TUSC3: variants seen among roughly 807,000 people sequenced by gnomAD.
TUSC3 encodes dolichyl-diphosphooligosaccharide--protein glycosyltransferase subunit TUSC3.
TUSC3 carries 45 observed loss-of-function variants against 44.8 expected under a neutral mutation model. That is an observed-to-expected ratio of 1.00 (90% CI 0.79 to 1.29). TUSC3 has a LOEUF of 1.29. Ranked by LOEUF, TUSC3 falls within the 50% of genes most tolerant of loss-of-function variation. The probability of loss-of-function intolerance (pLI) is 0.00; values close to 1 mark genes in which losing one functional copy is unlikely to be tolerated. For missense variants in TUSC3, 519 were observed against 437.9 expected, an observed-to-expected ratio of 1.19 and a Z score of -1.65; for synonymous variants, 212 against 152.9, an observed-to-expected ratio of 1.39 and a Z score of -2.85.
At chr8:15,833,425 A>G in the TUSC3 span, among the ~76,000 whole-genome samples, 17 of 152,196 alleles carry the variant, frequency 1.1e-4, no homozygotes, top group Admixed American at 2.0e-4. Flanking sequence ...TTATTCCAGC[A>G]CTATTCACAT....
chr8:15,743,451 C>A (rs914139748), intron 7 of TUSC3, 87 bp from the exon 8 acceptor site: 2 of 1,328,294 alleles, frequency 1.5e-6, no homozygotes, highest in Non-Finnish European at 2.2e-6. Context: ...TGTAGTTTAA[C>A]CATTCTGGAA....
chr8:15,844,119 C>G, the TUSC3 span, among the ~76,000 whole-genome samples: 1 of 151,978 alleles, frequency 6.6e-6, no homozygotes, highest in African/African-American at 2.4e-5. Flanking sequence ...TTTTTGTTTT[C>G]TGGTGTAGCA....
At chr8:15,489,818 A>G (rs1800781108) in intron 2 of TUSC3, among the ~76,000 whole-genome samples, 1 of 152,158 alleles carries the variant, frequency 6.6e-6, no homozygotes, top group African/African-American at 2.4e-5. Flanking sequence ...TTACTTTGGA[A>G]TCCCCTTGGC....
chr8:15,540,950 A>G (rs565679869), intron 1 of TUSC3, among the ~76,000 whole-genome samples: 3 of 152,262 alleles, frequency 2.0e-5, no homozygotes, highest in South Asian at 4.1e-4. Context: ...TTATTTTCTT[A>G]CTCTGCTCCC....
intron 2 of TUSC3, among the ~76,000 whole-genome samples, chr8:15,488,922 G>A (rs765747433): frequency 2.0e-5 from 3 of 152,098 alleles, no homozygotes; most frequent in African/African-American, 7.2e-5. Context: ...CTGTCAAATG[G>A]GAATATGAAT....
intron 8 of TUSC3, among the ~76,000 whole-genome samples, chr8:15,747,493 G>T (rs1305275056): frequency 1.3e-5 from 2 of 151,410 alleles, no homozygotes; most frequent in Non-Finnish European, 3.0e-5. Context: ...ACTTTAATTG[G>T]CTCAGATTAA....
intron 6 of TUSC3, among the ~76,000 whole-genome samples, chr8:15,679,067 A>G (rs1476622466): frequency 6.6e-6 from 1 of 152,208 alleles, no homozygotes; most frequent in Non-Finnish European, 1.5e-5. Flanking sequence ...CAGTGAACAT[A>G]CAAGTACATG....
chr8:15,753,009 C>A (rs1168863666), intron 9 of TUSC3, among the ~76,000 whole-genome samples: 1 of 151,974 alleles, frequency 6.6e-6, no homozygotes, highest in Non-Finnish European at 1.5e-5. Flanking sequence ...AACTAAGGGA[C>A]ACTGACAAAA....
intron 1 of TUSC3, among the ~76,000 whole-genome samples, chr8:15,458,955 A>G (rs1300124088): frequency 6.6e-6 from 1 of 152,226 alleles, no homozygotes; most frequent in African/African-American, 2.4e-5. Context: ...AGACTAAAAG[A>G]GGTTTAAGTT....
intron 1 of TUSC3, among the ~76,000 whole-genome samples, chr8:15,598,136 C>G (rs1483790971): frequency 6.6e-6 from 1 of 151,806 alleles, no homozygotes; most frequent in African/African-American, 2.4e-5. Flanking sequence ...GAGCATAATA[C>G]CAGTTGGGGT....
chr8:15,718,267 G>A (rs1041090722), intron 6 of TUSC3, among the ~76,000 whole-genome samples: 5 of 152,066 alleles, frequency 3.3e-5, no homozygotes, highest in African/African-American at 9.7e-5. Context: ...TAATAGAAAA[G>A]TGGCAGTAGA....
intron 6 of TUSC3, among the ~76,000 whole-genome samples, chr8:15,716,461 AAG>A (rs1290054708): frequency 3.9e-5 from 6 of 152,140 alleles, no homozygotes; most frequent in Non-Finnish European, 8.8e-5. Flanking sequence ...TATAAAGAAA[AAG>A]AGTTGTGAAA....
intron 1 of TUSC3, among the ~76,000 whole-genome samples, chr8:15,582,704 G>C (rs1803421717): frequency 6.6e-6 from 1 of 152,174 alleles, no homozygotes; most frequent in South Asian, 2.1e-4. Context: ...CAAGCCTGCT[G>C]CTGAAACTGC....
the TUSC3 span, among the ~76,000 whole-genome samples, chr8:15,843,758 T>C: frequency 2.6e-5 from 4 of 152,058 alleles, no homozygotes; most frequent in Non-Finnish European, 4.4e-5. Context: ...AAAACACCTG[T>C]GTTCCAGATT....
intron 6 of TUSC3, among the ~76,000 whole-genome samples, chr8:15,708,845 T>G (rs1809723664): frequency 6.6e-6 from 1 of 151,920 alleles, no homozygotes; most frequent in Non-Finnish European, 1.5e-5. Flanking sequence ...GTAAACTTGA[T>G]GATTCTGACT....
chr8:15,566,626 TG>T lies in TUSC3; in HGVS notation c.138+26059del, dbSNP rs1305114171. Among the ~76,000 whole-genome samples the T allele has an allele frequency of 9.9e-5, 15 of 151,358 alleles. No homozygotes were observed. In the South Asian group the frequency reaches 2.5e-3, roughly 25 times the overall value. Reference sequence around the variant, plus strand: ...ATTTTTTTGTTGTTGTTGTTGTTGTTGTTTTTTTTTTGAGACAGGGTCTTGC... The same window carrying T: ...ATTTTTTTGTTGTTGTTGTTGTTGTTTTTTTTTTTTGAGACAGGGTCTTGC... On this transcript the variant is annotated intron_variant, in intron 1 of 10. Coordinates refer to ENST00000503731, the MANE Select transcript of TUSC3 (RefSeq NM_006765.4).
the TUSC3 span, among the ~76,000 whole-genome samples, chr8:15,836,844 T>G: frequency 6.6e-6 from 1 of 152,204 alleles, no homozygotes; most frequent in Non-Finnish European, 1.5e-5. Context: ...GTTTTATACT[T>G]CTACTTTTCC....
At chr8:15,745,615 G>A (rs970196749) in intron 8 of TUSC3, among the ~76,000 whole-genome samples, 7 of 151,586 alleles carry the variant, frequency 4.6e-5, no homozygotes, top group Admixed American at 1.3e-4. Context: ...AGAAATACCT[G>A]TTCATATCCT....
At chr8:15,554,748 G>C (rs1230696938) in intron 1 of TUSC3, among the ~76,000 whole-genome samples, 1 of 149,990 alleles carries the variant, frequency 6.7e-6, no homozygotes, top group East Asian at 2.0e-4. Context: ...GACCACAGGC[G>C]CCCTCACCAC....
Sources: allele counts gnomAD v4.1 joint callset (sites outside exome capture counted in the v4.1 genomes callset), GRCh38; gene constraint gnomAD v4.1.1; transcripts MANE v1.5; gene names NCBI Gene and HGNC (gene_info 2026-07-23, HGNC 2026-07-21).